CHD9: variants seen among roughly 807,000 people sequenced by gnomAD.
CHD9 encodes ATP-dependent chromatin remodeler CHD9.
Under a neutral mutation model 316.1 loss-of-function variants are expected in CHD9, and 77 were observed. The ratio of observed to expected loss-of-function variants is 0.24; its 90% CI spans 0.20 to 0.29. CHD9 has a LOEUF of 0.29. Ranked by LOEUF, CHD9 falls within the 10% of genes least tolerant of loss-of-function variation. CHD9 has a pLI of 1.00. For synonymous variants in CHD9, 1,129 were observed against 1,158.3 expected, an observed-to-expected ratio of 0.97 and a Z score of 0.51; for missense variants, 2,763 against 3,438.1, an observed-to-expected ratio of 0.80 and a Z score of 4.91.
At chr16:53,192,990 A>G in intron 2 of CHD9, among the ~76,000 whole-genome samples, 1 of 152,048 alleles carries the variant, frequency 6.6e-6, no homozygotes, top group East Asian at 1.9e-4. Context: ...GTAAATATAT[A>G]AGTGTAAAAT....
At chr16:53,207,273 C>T (rs1043805296) in intron 2 of CHD9, among the ~76,000 whole-genome samples, 1 of 152,148 alleles carries the variant, frequency 6.6e-6, no homozygotes, top group African/African-American at 2.4e-5. Flanking sequence ...AAAAGTTGTA[C>T]TGATGTTCAA....
intron 2 of CHD9, among the ~76,000 whole-genome samples, chr16:53,178,689 C>G (rs1488709900): frequency 6.6e-6 from 1 of 152,082 alleles, no homozygotes; most frequent in Non-Finnish European, 1.5e-5. Flanking sequence ...TCTTGAACTC[C>G]TGGGCTCAAG....
At position 53,226,400 on chromosome 16, in the gene CHD9, A is replaced by C; in HGVS notation, c.1931A>C (p.Lys644Thr). 1 of 1,580,884 alleles carries C rather than the reference A, an allele frequency of 6.3e-7. No individual in the cohort carries two copies. The change falls in exon 5 of 39, where the codon AAA (lysine) becomes ACA (threonine). Residue 644 changes from lysine to threonine, a missense_variant. Lys to Thr is a moderately conservative substitution (Grantham distance 78, BLOSUM62 -1). Around this residue, in one of 15 missense-constraint regions of CHD9, gnomAD observed 859 missense variants for 890.4 expected, o/e 0.96. Coordinates refer to ENST00000447540, the MANE Select transcript of CHD9 (RefSeq NM_001308319.2). ...RRSNRQIKRK[K>T]YAEDIEGKQS... is the part of the protein sequence containing the mutation. ...TCAAATCGACAAATTAAAAGAAAAA[A>C]ATACGCAGAAGATATAGAAGGGAAG...
At chr16:53,206,813 A>AGCC (rs1339409354) in intron 2 of CHD9, among the ~76,000 whole-genome samples, 1 of 152,216 alleles carries the variant, frequency 6.6e-6, no homozygotes, top group Non-Finnish European at 1.5e-5. Flanking sequence ...CTCATTAGCC[A>AGCC]GCCCCTTGTC....
chr16:53,075,926 T>C (rs895607596), intron 1 of CHD9, among the ~76,000 whole-genome samples: 1 of 152,226 alleles, frequency 6.6e-6, no homozygotes, highest in Non-Finnish European at 1.5e-5. Context: ...CCAACACTTG[T>C]TATTTTCTGT....
chr16:53,326,108 T>C lies in CHD9; in HGVS notation c.*1213T>C, dbSNP rs981780830. On this transcript the variant is annotated 3_prime_UTR_variant, in exon 39 of 39. Coordinates refer to ENST00000447540, the MANE Select transcript of CHD9 (RefSeq NM_001308319.2). The stretch of plus-strand genomic sequence containing the variant: ...ACAAAAGTGAAGCCTGAGGCTTCTG[T>C]TCAATTTCATAGACTCCTTTACCAT... 3 of 152,536 alleles carry C rather than the reference T, an allele frequency of 2.0e-5. No individual in the cohort carries two copies. The highest frequency in any genetic ancestry group is 6.5e-5 in the Admixed American group (1 of 15,272). The allele number at this position is 152,536 out of a possible 1,614,324, so 9.4% of individuals were successfully genotyped here. A position where few individuals can be genotyped will look rare whatever the true frequency, so the allele number is the denominator to read the frequency against.
intron 2 of CHD9, among the ~76,000 whole-genome samples, chr16:53,199,568 G>A (rs1483388674): frequency 6.6e-6 from 1 of 152,094 alleles, no homozygotes; most frequent in Non-Finnish European, 1.5e-5. Flanking sequence ...AGTATACATT[G>A]TACCCAACTG....
At chr16:53,126,234 G>A (rs2038963581) in intron 1 of CHD9, among the ~76,000 whole-genome samples, 1 of 152,164 alleles carries the variant, frequency 6.6e-6, no homozygotes, top group South Asian at 2.1e-4. Flanking sequence ...GTGGTGTGAG[G>A]TAGTGGTCCA....
intron 12 of CHD9, among the ~76,000 whole-genome samples, chr16:53,242,405 T>A (rs1035490482): frequency 2.3e-4 from 35 of 152,378 alleles, no homozygotes; most frequent in Admixed American, 1.1e-3. Flanking sequence ...AGCACATAGA[T>A]ACTCAATATC....
At chr16:53,115,176 T>C (rs1428971662) in intron 1 of CHD9, among the ~76,000 whole-genome samples, 1 of 152,190 alleles carries the variant, frequency 6.6e-6, no homozygotes, top group Admixed American at 6.5e-5. Context: ...CAAATGTTTA[T>C]AGCAGCCTAG....
At chr16:53,252,464 G>A (rs905523415) in intron 17 of CHD9, among the ~76,000 whole-genome samples, 7 of 152,082 alleles carry the variant, frequency 4.6e-5, no homozygotes, top group Non-Finnish European at 1.0e-4. Context: ...AAATAACATT[G>A]GAGAAACCCT....
chr16:53,169,943 C>G (rs866489453), intron 2 of CHD9, among the ~76,000 whole-genome samples: 13 of 151,976 alleles, frequency 8.6e-5, no homozygotes, highest in South Asian at 2.1e-4. Flanking sequence ...GTTCCCTGTC[C>G]TTTCTGTTGT....
chr16:53,170,052 T>TG (rs1418836789), intron 2 of CHD9, among the ~76,000 whole-genome samples: 1 of 149,998 alleles, frequency 6.7e-6, no homozygotes, highest in African/African-American at 2.5e-5. Flanking sequence ...TTTTTTTGTT[T>TG]TTTTTTGTTT....
At chr16:53,232,743 AAT>A (rs1039194630) in intron 10 of CHD9, among the ~76,000 whole-genome samples, 17 of 152,170 alleles carry the variant, frequency 1.1e-4, no homozygotes, top group African/African-American at 3.1e-4. Context: ...CAGCAGTTAA[AAT>A]ATATGTTAAT....
At position 53,231,448 on chromosome 16, in the gene CHD9, C is replaced by T; in HGVS notation, c.2316C>T (p.Tyr772=). The part of the protein sequence containing the change: ...DMEEEPFNPD[Y]VEVDRVLEVS... ...AAGAAGAACCATTTAACCCAGACTA[C>T]GTTGAAGTAGACAGAGTATTAGAAG... The change falls in exon 9 of 39, where the codon TAC becomes TAT. Residue 772 remains tyrosine, a synonymous_variant. Transcript: ENST00000447540. The T allele has an allele frequency of 4.4e-6, 7 of 1,599,070 alleles. No individual in the cohort carries two copies. The highest frequency in any genetic ancestry group is 1.8e-4 in the Middle Eastern group (1 of 5,708).
rs1270792876 is a variant in CHD9, at chr16:53,293,052, G to A, written c.5510G>A (p.Arg1837Lys). The A allele has an allele frequency of 6.2e-6, 10 of 1,607,280 alleles. No homozygotes were observed. The highest frequency in any genetic ancestry group is 1.1e-5 in the South Asian group (1 of 90,372). ...KMAAKIERQQ[R>K]WTRREEADFY... is the part of the protein sequence containing the mutation. The stretch of plus-strand genomic sequence containing the variant: ...GCAGCCAAGATAGAAAGACAGCAAA[G>A]GTAAGACAATAACACTAAATTTTTA... The change falls in exon 29 of 39, where the codon AGA becomes AAA. Residue 1837 changes from arginine to lysine, a missense_variant and splice_region_variant. Around this residue, in one of 15 missense-constraint regions of CHD9, gnomAD observed 183 missense variants for 258.5 expected, o/e 0.71. Transcript: ENST00000447540.
In CHD9 at chr16:53,063,164, A is replaced by G. The variant is rs931148448; in HGVS notation, c.-165+8087A>G. Among the ~76,000 whole-genome samples the G allele has an allele frequency of 6.6e-5, 10 of 151,864 alleles. 1 individual carries two copies. Among genetic ancestry groups the G allele is most frequent in the Admixed American group, 6.6e-4 (10 of 15,222 alleles). The stretch of plus-strand genomic sequence containing the variant: ...CATTCAAATCATTCAATTAATCCTC[A>G]CCAATATGGGTTAAGTACTATTTGA... On this transcript the variant is annotated intron_variant, in intron 1 of 38. Coordinates refer to ENST00000447540, the MANE Select transcript of CHD9 (RefSeq NM_001308319.2).
chr16:53,159,598 A>T lies in CHD9; in HGVS notation c.1452+2057A>T, dbSNP rs367651642. ...AATCTTTGTCTTTCCCATTGGATTG[A>T]CTATAGTTCTATTTCTTTTTTCCTT... is the stretch of plus-strand genomic sequence containing the variant. On this transcript the variant is annotated intron_variant, in intron 2 of 38. Transcript: ENST00000447540. Among the ~76,000 whole-genome samples, 6 of 152,158 alleles carry T rather than the reference A, an allele frequency of 3.9e-5. No individual in the cohort carries two copies. The East Asian group carries it at 5.8e-4, about 15-fold the overall frequency.
chr16:53,105,486 T>G (rs2037269329), intron 1 of CHD9, among the ~76,000 whole-genome samples: 1 of 152,258 alleles, frequency 6.6e-6, no homozygotes, highest in South Asian at 2.1e-4. Flanking sequence ...GATTTTACTG[T>G]ATTCCATTGT....
Sources: gnomAD v4.1 joint callset for allele counts (sites outside exome capture counted in the v4.1 genomes callset) on GRCh38, gnomAD v4.1.1 for gene constraint, gnomAD v4.1.1 regional missense constraint, MANE v1.5 for transcripts, NCBI Gene and HGNC (gene_info 2026-07-23, HGNC 2026-07-21) for gene names.